HOXB3: variants seen among roughly 807,000 people sequenced by gnomAD.
HOXB3 encodes homeobox B3.
HOXB3 carries 17 observed loss-of-function variants against 29.2 expected under a neutral mutation model. That is an observed-to-expected ratio of 0.58 (90% CI 0.40 to 0.87). The LOEUF is 0.87. Among genes scored for constraint, HOXB3 ranks in the 40% least tolerant of loss-of-function variants. The pLI, the probability that HOXB3 is intolerant of heterozygous loss-of-function variation, is 0.00. For missense variants in HOXB3, 637 were observed against 616.3 expected (o/e 1.03, Z -0.35); for synonymous variants, 317 against 285.9 (o/e 1.11, Z -1.10).
chr17:48,559,230 G>A (rs369656007), intron 2 of HOXB3, among the ~76,000 whole-genome samples: 1 of 152,026 alleles, frequency 6.6e-6, no homozygotes, highest in Non-Finnish European at 1.5e-5. Flanking sequence ...TCTAGACCTC[G>A]GCGGCGGGAT....
intron 2 of HOXB3, among the ~76,000 whole-genome samples, chr17:48,557,703 G>A (rs1000915444): frequency 3.9e-5 from 6 of 152,316 alleles, no homozygotes; most frequent in African/African-American, 1.2e-4. Flanking sequence ...TGGGGGACAT[G>A]GGGATGGAGG....
intron 3 of HOXB3, 28 bp downstream of exon 3, chr17:48,555,503 A>C (rs891727518): frequency 1.4e-5 from 10 of 702,732 alleles, no homozygotes; most frequent in Non-Finnish European, 2.6e-5. Flanking sequence ...CCATTCACAA[A>C]CTGATAGCCT....
intron 3 of HOXB3, chr17:48,553,269 G>A (rs1332894824): frequency 6.6e-6 from 1 of 152,274 alleles, no homozygotes; most frequent in Non-Finnish European, 1.5e-5. Flanking sequence ...CAGCTGAACC[G>A]AGACTCATCT....
At chr17:48,574,087 T>G (rs905474407) in intron 1 of HOXB3, 73 bp from the exon 2 acceptor site, 3 of 565,644 alleles carry the variant, frequency 5.3e-6, no homozygotes, top group Non-Finnish European at 9.3e-6. Context: ...TCTGTATAAT[T>G]CTCACATTTT....
At chr17:48,555,249 A>G (rs897119690) in intron 3 of HOXB3, 1 of 519,142 alleles carries the variant, frequency 1.9e-6, no homozygotes, top group Admixed American at 3.6e-5. Flanking sequence ...CCGCGGAGAA[A>G]ATTCAGCCCT....
At chr17:48,567,811 C>T (rs1379463316) in intron 2 of HOXB3, among the ~76,000 whole-genome samples, 1 of 152,190 alleles carries the variant, frequency 6.6e-6, no homozygotes, top group Non-Finnish European at 1.5e-5. Flanking sequence ...GCTGAGGAAA[C>T]TTTTCTTTGT....
rs754187524 is a variant in HOXB3 at position 48,550,302 on chromosome 17, C to G, written c.*32G>C. ...GAGCTCCACAGTCTCTCTCTTCCTC[C>G]CCATCCCCTAATCCTCGTTCGCCCT... is the stretch of plus-strand genomic sequence containing the variant. On this transcript the variant is annotated 3_prime_UTR_variant, in exon 5 of 5. Transcript: ENST00000498678. The G allele has an allele frequency of 6.2e-7, 1 of 1,612,944 alleles. No individual in the cohort carries two copies. Among genetic ancestry groups the G allele is most frequent in the South Asian group, 1.1e-5 (1 of 91,010 alleles).
rs1448231450 is a variant in HOXB3 at position 48,578,367 on chromosome 17, C to T, written c.-424-4353G>A. On this transcript the variant is annotated intron_variant, in intron 1 of 4. Coordinates refer to ENST00000498678, the MANE Select transcript of HOXB3 (RefSeq NM_001384749.1). ...AAATATACTAAAATTTATTCCGACC[C>T]CTGACTCGTTTTCCTGTTTCCGAAA... The T allele has an allele frequency of 1.9e-6, 3 of 1,575,250 alleles. No homozygotes were observed. The Middle Eastern group carries it at 5.2e-4, about 274-fold the overall frequency.
intron 2 of HOXB3, chr17:48,556,285 GAGA>G (rs1313275071): frequency 1.3e-5 from 2 of 153,506 alleles, no homozygotes; most frequent in Non-Finnish European, 2.9e-5. Flanking sequence ...ATGCTAATAT[GAGA>G]AGTAGTATTT....
chr17:48,559,917 CGAT>C (rs2069135131), intron 2 of HOXB3: 1 of 152,282 alleles, frequency 6.6e-6, no homozygotes. Context: ...GAAGTCCACT[CGAT>C]GACCACGGAG....
chr17:48,564,065 C>G (rs1334099483), intron 2 of HOXB3, among the ~76,000 whole-genome samples: 1 of 151,988 alleles, frequency 6.6e-6, no homozygotes, highest in Non-Finnish European at 1.5e-5. Context: ...TTGAAGCCCC[C>G]ACCCTGCCTT....
chr17:48,576,409 C>T (rs949289318), intron 1 of HOXB3: 1 of 261,000 alleles, frequency 3.8e-6, no homozygotes, highest in Non-Finnish European at 7.2e-6. Flanking sequence ...GAGCTGCAGC[C>T]TCCTCCTATT....
chr17:48,552,337 G>A lies in HOXB3; in HGVS notation c.138C>T (p.Asp46=). The change falls in exon 4 of 5, where the codon GAC becomes GAT. Residue 46 remains aspartate, a synonymous_variant. Coordinates refer to ENST00000498678, the MANE Select transcript of HOXB3 (RefSeq NM_001384749.1). ...PFQAATHLEG[D]YQRSACSLQS... ...GCAGCGAGCAAGCTGAGCGCTGGTA[G>A]TCGCCCTCCAGGTGCGTGGCGGCCT... The A allele has an allele frequency of 6.2e-7, 1 of 1,614,108 alleles. No homozygotes were observed. The highest frequency in any genetic ancestry group is 1.6e-4 in the Middle Eastern group (1 of 6,062).
intron 2 of HOXB3, among the ~76,000 whole-genome samples, chr17:48,561,984 C>T (rs1369802351): frequency 2.0e-5 from 3 of 152,176 alleles, no homozygotes; most frequent in African/African-American, 4.8e-5. Context: ...CGGGCACCAT[C>T]GTCACCAGAT....
intron 1 of HOXB3, chr17:48,576,905 C>CCGG: frequency 6.2e-7 from 1 of 1,614,268 alleles, no homozygotes; most frequent in Non-Finnish European, 8.5e-7. Context: ...TCTCCACCCT[C>CCGG]CGGCGCCGTG....
chr17:48,580,053 C>G (rs1292130488), intron 1 of HOXB3: 3 of 413,350 alleles, frequency 7.3e-6, no homozygotes, highest in African/African-American at 6.6e-5. Flanking sequence ...GTTTTGAGCT[C>G]TGGGAACAGA....
chr17:48,551,397 CCTGT>C, intron 4 of HOXB3: 1 of 422,600 alleles, frequency 2.4e-6, no homozygotes, highest in Non-Finnish European at 3.7e-6. Flanking sequence ...TATTAAGAGA[CCTGT>C]TCTCCTTTCG....
chr17:48,585,928 A>T (rs2070037570), intron 1 of HOXB3, among the ~76,000 whole-genome samples: 1 of 151,986 alleles, frequency 6.6e-6, no homozygotes, highest in Admixed American at 6.6e-5. Flanking sequence ...GTAAGGCAAA[A>T]TGGTCTGGGG....
chr17:48,583,736 T>A (rs1275961382), intron 1 of HOXB3, among the ~76,000 whole-genome samples: 1 of 152,218 alleles, frequency 6.6e-6, no homozygotes, highest in Non-Finnish European at 1.5e-5. Flanking sequence ...AGGAGATGGA[T>A]TCTTCAGTTC....
Sources: gnomAD v4.1 joint callset for allele counts (sites outside exome capture counted in the v4.1 genomes callset) on GRCh38, gnomAD v4.1.1 for gene constraint, MANE v1.5 for transcripts, NCBI Gene and HGNC (gene_info 2026-07-23, HGNC 2026-07-21) for gene names.